VAV3: variants seen among roughly 807,000 people sequenced by gnomAD.
The protein encoded by VAV3 is vav guanine nucleotide exchange factor 3.
A neutral mutation model predicts 131.2 loss-of-function variants in VAV3; 94 were observed. That is an observed-to-expected ratio of 0.72 (90% CI 0.61 to 0.85). The LOEUF (loss-of-function observed/expected upper bound fraction) is 0.85. VAV3 is among the 40% of genes least tolerant of loss of function. The pLI is 0.00. For synonymous variants in VAV3, 349 were observed against 342.0 expected (o/e 1.02, Z -0.22); for missense variants, 939 against 1,002.7 (o/e 0.94, Z 0.86).
At chr1:107,709,929 C>G (rs72705622) in intron 15 of VAV3, among the ~76,000 whole-genome samples, 15,077 of 152,040 alleles carry the variant, frequency 0.099, 1,004 homozygotes, top group East Asian at 0.27. Context: ...TGAGAACAGA[C>G]GAATACAATA....
At chr1:107,849,018 A>C (rs1327845269) in intron 2 of VAV3, among the ~76,000 whole-genome samples, 1 of 152,174 alleles carries the variant, frequency 6.6e-6, no homozygotes, top group African/African-American at 2.4e-5. Context: ...CTTACAAGGG[A>C]TGTGAAGGAC....
rs1040132394 is a variant in VAV3, at chr1:107,610,044, T to A, written c.1981-79A>T. The A allele has an allele frequency of 5.7e-6, 8 of 1,393,210 alleles. No homozygotes were observed. In the African/African-American group the frequency reaches 9.9e-5, roughly 17 times the overall value. 86.3% of individuals were successfully genotyped at this position (1,393,210 alleles called of 1,614,324 possible). A position where few individuals can be genotyped will look rare whatever the true frequency, so the allele number is the denominator to read the frequency against. On this transcript the variant is annotated intron_variant, in intron 21 of 26. Coordinates refer to ENST00000370056, the MANE Select transcript of VAV3 (RefSeq NM_006113.5). ...AAATCAATCATTAATTCAGTTCAGC[T>A]GACTCAGCTCTATAAAACCCTAAGT...
At chr1:107,808,187 T>C (rs1031179936) in intron 2 of VAV3, among the ~76,000 whole-genome samples, 4 of 152,192 alleles carry the variant, frequency 2.6e-5, no homozygotes, top group African/African-American at 4.8e-5. Context: ...CCATCTTTAG[T>C]AGAAATACGG....
chr1:107,834,195 C>T (rs1314035023), intron 2 of VAV3, among the ~76,000 whole-genome samples: 1 of 152,160 alleles, frequency 6.6e-6, no homozygotes, highest in Non-Finnish European at 1.5e-5. Flanking sequence ...CTTATGGACA[C>T]ACACAGAAGA....
At chr1:107,850,581 G>C (rs1669172171) in intron 2 of VAV3, among the ~76,000 whole-genome samples, 1 of 152,036 alleles carries the variant, frequency 6.6e-6, no homozygotes, top group African/African-American at 2.4e-5. Flanking sequence ...AGGGGTGGGG[G>C]GCAAGGGGAG....
At chr1:107,575,029 G>T (rs1469690779) in intron 25 of VAV3, among the ~76,000 whole-genome samples, 1 of 49,372 alleles carries the variant, frequency 2.0e-5, no homozygotes, top group Non-Finnish European at 5.0e-5. Context: ...ACGCGCGCGT[G>T]TTTAATATTC....
intron 6 of VAV3, among the ~76,000 whole-genome samples, chr1:107,770,233 T>C (rs1031022187): frequency 2.6e-5 from 4 of 151,982 alleles, no homozygotes; most frequent in Non-Finnish European, 4.4e-5. Flanking sequence ...CCACTTAATC[T>C]TGTCACAGAG....
chr1:107,626,949 A>C (rs1654063807), intron 20 of VAV3, among the ~76,000 whole-genome samples: 1 of 152,188 alleles, frequency 6.6e-6, no homozygotes, highest in Non-Finnish European at 1.5e-5. Flanking sequence ...CAGCTTTAGA[A>C]AATTCTACTG....
chr1:107,696,410 G>T (rs1659751030), intron 17 of VAV3, among the ~76,000 whole-genome samples: 1 of 152,014 alleles, frequency 6.6e-6, no homozygotes, highest in Non-Finnish European at 1.5e-5. Context: ...TCCCATCTGG[G>T]TGTACTTCTG....
chr1:107,598,300 G>A (rs1003946922), intron 24 of VAV3, among the ~76,000 whole-genome samples: 1 of 152,162 alleles, frequency 6.6e-6, no homozygotes, highest in Non-Finnish European at 1.5e-5. Flanking sequence ...AGGTTGCAGT[G>A]AGCCGAGACT....
chr1:107,800,925 T>A (rs1666799536), intron 2 of VAV3, among the ~76,000 whole-genome samples: 1 of 152,186 alleles, frequency 6.6e-6, no homozygotes, highest in South Asian at 2.1e-4. Flanking sequence ...ATTTCCCCAG[T>A]GTTTTCTTCG....
At chr1:107,590,257 T>C (rs11185141) in intron 25 of VAV3, among the ~76,000 whole-genome samples, 54,220 of 152,096 alleles carry the variant, frequency 0.36, 10,023 homozygotes, top group Middle Eastern at 0.42. Context: ...CATATTCCCA[T>C]GCTTTTCCAG....
chr1:107,824,570 G>C (rs896166968), intron 2 of VAV3, among the ~76,000 whole-genome samples: 12 of 152,104 alleles, frequency 7.9e-5, no homozygotes, highest in Non-Finnish European at 1.6e-4. Flanking sequence ...ACCTACAGGT[G>C]TTCCTTAATT....
At position 107,604,053 on chromosome 1, in the gene VAV3, A is replaced by G. The variant is rs933529831; in HGVS notation, c.2016-890T>C. 6.6e-5 allele frequency among the ~76,000 whole-genome samples: 10 copies of G among 152,340 alleles called. 1 individual carries two copies. In the South Asian group the frequency reaches 1.2e-3, roughly 19 times the overall value. ...CTGTAATAATAAAAGGCCAAAATTC[A>G]ATCTTAAAATAATCTTTAATGACCC... On this transcript the variant is annotated intron_variant, in intron 22 of 26. Coordinates refer to ENST00000370056, the MANE Select transcript of VAV3 (RefSeq NM_006113.5).
intron 24 of VAV3, among the ~76,000 whole-genome samples, chr1:107,598,965 G>A (rs963206075): frequency 1.3e-5 from 2 of 152,004 alleles, no homozygotes; most frequent in African/African-American, 2.4e-5. Context: ...GAACTTCAAC[G>A]TAATTTTGTT....
At chr1:107,950,544 G>A (rs139856964) in intron 1 of VAV3, among the ~76,000 whole-genome samples, 58 of 152,294 alleles carry the variant, frequency 3.8e-4, no homozygotes, top group African/African-American at 1.3e-3. Flanking sequence ...CTGCAAAGAG[G>A]TGAATGAAAG....
intron 11 of VAV3, 119 bp from the exon 12 acceptor site, chr1:107,755,632 CAA>C: frequency 1.5e-6 from 1 of 677,766 alleles, no homozygotes; most frequent in Non-Finnish European, 2.5e-6. Context: ...TGTAACTTTT[CAA>C]AGACAGTAAA....
At chr1:107,818,844 T>C (rs976888899) in intron 2 of VAV3, among the ~76,000 whole-genome samples, 1 of 152,206 alleles carries the variant, frequency 6.6e-6, no homozygotes, top group Non-Finnish European at 1.5e-5. Flanking sequence ...CCTCTCGACA[T>C]GCTACCATCA....
At chr1:107,750,326 T>C (rs1360376897) in intron 13 of VAV3, among the ~76,000 whole-genome samples, 1 of 152,266 alleles carries the variant, frequency 6.6e-6, no homozygotes, top group Non-Finnish European at 1.5e-5. Flanking sequence ...TATTTCTTTT[T>C]TCTTATTAAG....
Sources: allele counts gnomAD v4.1 joint callset (sites outside exome capture counted in the v4.1 genomes callset), GRCh38; gene constraint gnomAD v4.1.1; transcripts MANE v1.5; gene names NCBI Gene and HGNC (gene_info 2026-07-23, HGNC 2026-07-21).